PCDHGA9: variants seen among roughly 807,000 people sequenced by gnomAD.
PCDHGA9 encodes the protein protocadherin gamma subfamily A, 9, also known as protocadherin gamma-A9.
A neutral mutation model predicts 62.5 loss-of-function variants in PCDHGA9; 37 were observed. That is an observed-to-expected ratio of 0.59 (90% CI 0.46 to 0.78). The LOEUF (loss-of-function observed/expected upper bound fraction) is 0.78, where lower values mean the gene tolerates loss of function less well. PCDHGA9 is among the 30% of genes least tolerant of loss of function. The pLI is 0.00. For synonymous variants in PCDHGA9, 459 were observed against 484.6 expected, an observed-to-expected ratio of 0.95 and a Z score of 0.69; for missense variants, 1,138 against 1,166.2, an observed-to-expected ratio of 0.98 and a Z score of 0.35.
chr5:141,500,216 ATT>A (rs1562194139), intron 2 of PCDHGA9, among the ~76,000 whole-genome samples: 8 of 149,244 alleles, frequency 5.4e-5, no homozygotes, highest in African/African-American at 2.0e-4. Flanking sequence ...TTATTTATTT[ATT>A]TATTTATTGA....
intron 2 of PCDHGA9, among the ~76,000 whole-genome samples, chr5:141,499,689 CTT>C (rs545067566): frequency 7.5e-5 from 9 of 119,852 alleles, no homozygotes; most frequent in African/African-American, 9.3e-5. Flanking sequence ...TAACAGATGA[CTT>C]TTTTTTTTTT....
intron 1 of PCDHGA9, among the ~76,000 whole-genome samples, chr5:141,469,914 C>T (rs1451982311): frequency 6.6e-6 from 1 of 152,082 alleles, no homozygotes. Flanking sequence ...GCAGACCACC[C>T]GAGGTCAGGA....
intron 1 of PCDHGA9, among the ~76,000 whole-genome samples, chr5:141,451,804 C>G (rs914303400): frequency 9.2e-5 from 14 of 151,946 alleles, no homozygotes; most frequent in African/African-American, 3.4e-4. Context: ...TTGCTTGAAC[C>G]CAGGAGGCGG....
At chr5:141,421,351 A>G in intron 1 of PCDHGA9, 2 of 1,613,988 alleles carry the variant, frequency 1.2e-6, no homozygotes, top group Non-Finnish European at 1.7e-6. Flanking sequence ...AGAGACCGAA[A>G]AGGGCTCCTT....
chr5:141,439,697 A>T (rs2098127217), intron 1 of PCDHGA9, among the ~76,000 whole-genome samples: 1 of 152,218 alleles, frequency 6.6e-6, no homozygotes, highest in Non-Finnish European at 1.5e-5. Flanking sequence ...CAACATTCCT[A>T]TTATGGCTCC....
At position 141,477,632 on chromosome 5, in the gene PCDHGA9, G is replaced by A. The variant is rs1262622928; in HGVS notation, c.2425-17175G>A. Reference sequence around the variant, plus strand: ...GGAGCAAGGAGCTGAAACCGGGCTAGTGGGTCGCTATTTCACAATAAATCG... The same window carrying A: ...GGAGCAAGGAGCTGAAACCGGGCTAATGGGTCGCTATTTCACAATAAATCG... On this transcript the variant is annotated intron_variant, in intron 1 of 3. Coordinates refer to ENST00000573521, the MANE Select transcript of PCDHGA9 (RefSeq NM_018921.3). This position sits in a 1 kb window ranked among gnomAD's most constrained non-coding sequence, Gnocchi z 4.9. 6.8e-6 allele frequency: 11 copies of A among 1,614,218 alleles called. No homozygotes were observed. Among genetic ancestry groups the A allele is most frequent in the Non-Finnish European group, 9.3e-6 (11 of 1,180,046 alleles).
intron 1 of PCDHGA9, chr5:141,419,328 C>T (rs2096360351): frequency 6.2e-7 from 1 of 1,613,954 alleles, no homozygotes. Context: ...GTCTCCTACT[C>T]TCTCATTGCC....
In PCDHGA9 at chr5:141,486,885, G is replaced by C. The variant is rs139638334; in HGVS notation, c.2425-7922G>C. 1.2e-6 allele frequency: 2 copies of C among 1,614,076 alleles called. No individual in the cohort carries two copies. Among genetic ancestry groups the C allele is most frequent in the East Asian group, 4.5e-5 (2 of 44,892 alleles). On this transcript the variant is annotated intron_variant, in intron 1 of 3. Coordinates refer to ENST00000573521, the MANE Select transcript of PCDHGA9 (RefSeq NM_018921.3). This position sits in a 1 kb window ranked among gnomAD's most constrained non-coding sequence, Gnocchi z 5.0. ...CCAGCTGTGCTCCGTCCTCGGGCCC[G>C]GCCTGGTTCCTTATGTCCCCAAGCA...
intron 1 of PCDHGA9, among the ~76,000 whole-genome samples, chr5:141,467,109 A>G (rs1431550069): frequency 2.0e-5 from 3 of 150,594 alleles, no homozygotes; most frequent in African/African-American, 4.9e-5. Context: ...CTGGAGTACA[A>G]TGGTGCAATC....
intron 1 of PCDHGA9, chr5:141,426,648 A>G (rs1224402025): frequency 2.4e-6 from 1 of 418,088 alleles, no homozygotes; most frequent in Non-Finnish European, 4.9e-6. Flanking sequence ...AAATGTGATG[A>G]TAGAAGATAT....
Position 141,415,740 on chromosome 5 carries a change from G to T in PCDHGA9, c.2424+10364G>T, listed in dbSNP as rs866795513. 9.4e-4 allele frequency: 585 copies of T among 624,884 alleles called. 4 individuals carry two copies. The highest frequency in any genetic ancestry group is 8.0e-3 in the African/African-American group (318 of 39,862). 38.7% of individuals were successfully genotyped at this position (624,884 alleles called of 1,614,324 possible). A position where few individuals can be genotyped will look rare whatever the true frequency, so the allele number is the denominator to read the frequency against. The stretch of plus-strand genomic sequence containing the variant: ...TGAGTAGAATTTGATGTTTATTAAG[G>T]TTTTTTTTTTTTTTTTTTTTTTTTT... On this transcript the variant is annotated intron_variant, in intron 1 of 3. Coordinates refer to ENST00000573521, the MANE Select transcript of PCDHGA9 (RefSeq NM_018921.3).
At chr5:141,455,506 G>T (rs1307993951) in intron 1 of PCDHGA9, among the ~76,000 whole-genome samples, 1 of 152,152 alleles carries the variant, frequency 6.6e-6, no homozygotes, top group African/African-American at 2.4e-5. Flanking sequence ...ATTTGCATAG[G>T]GCTCAGGGGA....
In PCDHGA9 at chr5:141,477,244, G is replaced by T. The variant is rs367944211; in HGVS notation, c.2425-17563G>T. On this transcript the variant is annotated intron_variant, in intron 1 of 3. Coordinates refer to ENST00000573521, the MANE Select transcript of PCDHGA9 (RefSeq NM_018921.3). The surrounding 1 kb of genome is among the most constrained non-coding windows in gnomAD (Gnocchi z 4.9). ...GGACTGTCATCGCTTTGCTCAGTGT[G>T]ACTGACCTGGATGCTGGCGAGAACG... 9 of 1,614,190 alleles carry T rather than the reference G, an allele frequency of 5.6e-6. No homozygotes were observed. Among genetic ancestry groups the T allele is most frequent in the Non-Finnish European group, 7.6e-6 (9 of 1,180,052 alleles).
At chr5:141,510,132 G>A (rs920772998) in intron 3 of PCDHGA9, among the ~76,000 whole-genome samples, 2 of 152,120 alleles carry the variant, frequency 1.3e-5, no homozygotes, top group African/African-American at 4.8e-5. Context: ...AAATTAGCTG[G>A]GCTAGTGGTG....
intron 1 of PCDHGA9, chr5:141,409,008 A>G (rs2095209237): frequency 6.2e-7 from 1 of 1,613,898 alleles, no homozygotes; most frequent in African/African-American, 1.3e-5. Context: ...GCCACTGACC[A>G]GGATGAGGGG....
At chr5:141,482,675 A>G (rs1258898440) in intron 1 of PCDHGA9, among the ~76,000 whole-genome samples, 1 of 149,114 alleles carries the variant, frequency 6.7e-6, no homozygotes, top group African/African-American at 2.5e-5. Context: ...AAGGTTGAGT[A>G]GTAGCTTGTC....
chr5:141,495,108 C>G (rs1304714928), intron 2 of PCDHGA9, among the ~76,000 whole-genome samples: 1 of 152,176 alleles, frequency 6.6e-6, no homozygotes, highest in Admixed American at 6.5e-5. Context: ...ACGACCGGCA[C>G]CTTTTCCTAT....
At chr5:141,421,651 A>C in intron 1 of PCDHGA9, 1 of 1,613,868 alleles carries the variant, frequency 6.2e-7, no homozygotes, top group Non-Finnish European at 8.5e-7. Flanking sequence ...AGTGGAGATA[A>C]AAGTCAGTGA....
chr5:141,414,377 C>T (rs2095740461), intron 1 of PCDHGA9: 1 of 1,613,760 alleles, frequency 6.2e-7, no homozygotes, highest in South Asian at 1.1e-5. Context: ...TTAGAAAAGT[C>T]CATTGACAGT....
Sources: allele counts gnomAD v4.1 joint callset (sites outside exome capture counted in the v4.1 genomes callset), GRCh38; gene constraint gnomAD v4.1.1; non-coding constraint Gnocchi (gnomAD v3.1); transcripts MANE v1.5; gene names NCBI Gene and HGNC (gene_info 2026-07-23, HGNC 2026-07-21).